DBNDD2: variants seen among roughly 807,000 people sequenced by gnomAD.
DBNDD2 encodes the protein dysbindin domain containing 2.
DBNDD2 carries 8 observed loss-of-function variants against 14.0 expected under a neutral mutation model. That is an observed-to-expected ratio of 0.57 (90% CI 0.33 to 1.03). The LOEUF (loss-of-function observed/expected upper bound fraction) is 1.03. Ranked by LOEUF, DBNDD2 falls within the 50% of genes least tolerant of loss-of-function variation. The pLI, the probability that DBNDD2 is intolerant of heterozygous loss-of-function variation, is 0.03. For synonymous variants in DBNDD2, 94 were observed against 85.3 expected (o/e 1.10, Z -0.56); for missense variants, 194 against 206.0 (o/e 0.94, Z 0.36).
upstream of DBNDD2, chr20:45,408,040 T>C: frequency 5.6e-6 from 8 of 1,439,870 alleles, no homozygotes; most frequent in Non-Finnish European, 7.3e-6. Flanking sequence ...CACCCTGAGA[T>C]CTCTGTCTCT....
upstream of DBNDD2, chr20:45,406,271 G>T (rs1600780709): frequency 1.8e-6 from 1 of 567,742 alleles, no homozygotes; most frequent in African/African-American, 2.0e-5. Flanking sequence ...TAGTCGTTGC[G>T]TGGGCGCTGC....
Position 45,409,979 on chromosome 20 carries a change from G to A in DBNDD2, c.325G>A (p.Asp109Asn), listed in dbSNP as rs374150638. The A allele has an allele frequency of 2.8e-5, 44 of 1,551,708 alleles. No individual in the cohort carries two copies. In the African/African-American group the frequency reaches 4.2e-4, roughly 15 times the overall value. The change falls in exon 3 of 3, where the codon GAC (aspartate) becomes AAC (asparagine). Residue 109 changes from aspartate (D) to asparagine (N), a missense_variant. By Grantham distance (23) the Asp-to-Asn change is conservative. Transcript: ENST00000372710. ...EELSLPVPTS[D>N]RTTSRTSSSS... is the part of the protein sequence containing the mutation. ...GCTGAGCCTGCCGGTGCCTACATCA[G>A]ACAGGACCACATCTAGGACCTCCTC... is the stretch of plus-strand genomic sequence containing the variant.
Position 45,409,925 on chromosome 20 carries a change from T to C in DBNDD2, c.278-7T>C, listed in dbSNP as rs1989749060. On this transcript the variant is annotated splice_region_variant and splice_polypyrimidine_tract_variant and intron_variant, in intron 2 of 2. Coordinates refer to ENST00000372710, the MANE Select transcript of DBNDD2 (RefSeq NM_001048225.4). ...TTGTGGCCTGACCAGCTTTTCTCTC[T>C]GGGCAGGGATGGACAACCATTTGGA... 1 of 1,551,646 alleles carries C rather than the reference T, an allele frequency of 6.4e-7. No homozygotes were observed. The highest frequency in any genetic ancestry group is 1.4e-5 in the African/African-American group (1 of 73,152).
upstream of DBNDD2, chr20:45,406,550 G>T: frequency 6.6e-7 from 1 of 1,510,798 alleles, no homozygotes; most frequent in South Asian, 1.2e-5. Flanking sequence ...GAGTGAGCCC[G>T]CCACCGCCCC....
upstream of DBNDD2, chr20:45,406,492 TA>T: frequency 1.3e-6 from 2 of 1,526,344 alleles, no homozygotes; most frequent in Non-Finnish European, 1.8e-6. Context: ...GAAGTACCAG[TA>T]GCCGCGCTCG....
In DBNDD2 at chr20:45,410,150, C is replaced by G; in HGVS notation, c.*10C>G. 2 of 1,551,548 alleles carry G rather than the reference C, an allele frequency of 1.3e-6. No individual in the cohort carries two copies. Among genetic ancestry groups the G allele is most frequent in the Non-Finnish European group, 1.7e-6 (2 of 1,146,994 alleles). ...TGGAGCCTGCAGCTAGCAGTGGGCC[C>G]CTGCCTACAGACTGACCACGCTGGC... On this transcript the variant is annotated 3_prime_UTR_variant, in exon 3 of 3. Coordinates refer to ENST00000372710, the MANE Select transcript of DBNDD2 (RefSeq NM_001048225.4).
At chr20:45,408,736 T>G in intron 1 of DBNDD2, 65 bp from the exon 2 acceptor site, 1 of 1,583,560 alleles carries the variant, frequency 6.3e-7, no homozygotes, top group Non-Finnish European at 8.7e-7. Context: ...GGACCTGACA[T>G]GTAACTCTCA....
chr20:45,409,138 A>G (rs1212806850), intron 2 of DBNDD2, 200 bp downstream of exon 2: 9 of 892,402 alleles, frequency 1.0e-5, no homozygotes, highest in Non-Finnish European at 1.5e-5. Flanking sequence ...TCTCTAATCC[A>G]AAATTCTGGG....
At position 45,410,440 on chromosome 20, in the gene DBNDD2, C is replaced by T. The variant is rs138891440; in HGVS notation, c.*300C>T. 1 of 413,664 alleles carries T rather than the reference C, an allele frequency of 2.4e-6. No individual in the cohort carries two copies. The highest frequency in any genetic ancestry group is 2.0e-5 in the African/African-American group (1 of 49,436). 25.6% of individuals were successfully genotyped at this position (413,664 alleles called of 1,614,324 possible). Reference sequence around the variant, plus strand: ...CTGCTTTTCTTAGCACTCTTCCCTCCCCTAAACCATCCCGTAGTCTTCTAA... The same window carrying T: ...CTGCTTTTCTTAGCACTCTTCCCTCTCCTAAACCATCCCGTAGTCTTCTAA... On this transcript the variant is annotated 3_prime_UTR_variant, in exon 3 of 3. Coordinates refer to ENST00000372710, the MANE Select transcript of DBNDD2 (RefSeq NM_001048225.4).
At position 45,410,503 on chromosome 20, in the gene DBNDD2, A is replaced by G; in HGVS notation, c.*363A>G. The G allele has an allele frequency of 4.1e-6, 1 of 242,480 alleles. No individual in the cohort carries two copies. The highest frequency in any genetic ancestry group is 8.2e-6 in the Non-Finnish European group (1 of 121,732). The allele number at this position is 242,480 out of a possible 1,614,324, so 15.0% of individuals were successfully genotyped here. A position where few individuals can be genotyped will look rare whatever the true frequency, so the allele number is the denominator to read the frequency against. ...GACAAGTGTCTCTAGATGGATGTGAACTCCTTAACTCATCAAGTAAGGTGG... is the reference window on the plus strand; with the variant it reads ...GACAAGTGTCTCTAGATGGATGTGAGCTCCTTAACTCATCAAGTAAGGTGG... On this transcript the variant is annotated 3_prime_UTR_variant, in exon 3 of 3. Coordinates refer to ENST00000372710, the MANE Select transcript of DBNDD2 (RefSeq NM_001048225.4).
chr20:45,407,218 C>T, upstream of DBNDD2: 4 of 698,344 alleles, frequency 5.7e-6, no homozygotes, highest in Non-Finnish European at 7.0e-6. Context: ...AGCGTTGTGA[C>T]CTGGGCGGCA....
intron 2 of DBNDD2, 149 bp downstream of exon 2, chr20:45,409,087 A>C: frequency 1.3e-6 from 2 of 1,530,984 alleles, no homozygotes; most frequent in South Asian, 2.4e-5. Flanking sequence ...GCCTGTTCTG[A>C]TTTTAGGGAA....
Position 45,408,487 on chromosome 20 carries a change from CCGCCCTGGAG to C in DBNDD2, c.25_34del (p.Leu9SerfsTer38). 1 of 1,614,278 alleles carries C rather than the reference CCGCCCTGGAG, an allele frequency of 6.2e-7. No homozygotes were observed. The highest frequency in any genetic ancestry group is 8.5e-7 in the Non-Finnish European group (1 of 1,180,050). On this transcript the variant is annotated frameshift_variant, in exon 1 of 3. Transcript: ENST00000372710. LOFTEE classifies it high-confidence loss of function. Reference sequence around the variant, plus strand: ...GCTGACATGGACCCAAATCCTCGGGCCGCCCTGGAGCGCCAGCAGCTCCGCCTTCGGGAGC... The same window carrying C: ...GCTGACATGGACCCAAATCCTCGGGCCGCCAGCAGCTCCGCCTTCGGGAGC...
Position 45,410,131 on chromosome 20 carries a change from C to G in DBNDD2, c.477C>G (p.Ala159=). ...ERGDGGAEPG[A]CS ...GTGATGGAGGGGCAGAGCCTGGAGC[C>G]TGCAGCTAGCAGTGGGCCCCTGCCT... Residue 159 remains alanine (A), a synonymous_variant, in exon 3 of 3, where the codon GCC becomes GCG. Transcript: ENST00000372710. 6.4e-7 allele frequency: 1 copy of G among 1,551,860 alleles called. No individual in the cohort carries two copies. Among genetic ancestry groups the G allele is most frequent in the Non-Finnish European group, 8.7e-7 (1 of 1,147,122 alleles).
chr20:45,408,457 C>G lies in DBNDD2; in HGVS notation c.-11C>G. 6.2e-7 allele frequency: 1 copy of G among 1,614,266 alleles called. No individual in the cohort carries two copies. The highest frequency in any genetic ancestry group is 8.5e-7 in the Non-Finnish European group (1 of 1,180,050). On this transcript the variant is annotated 5_prime_UTR_variant, in exon 1 of 3. Transcript: ENST00000372710. ...TGTACTTGTTTTGCTCCTCTACCCG[C>G]AGGAGCTGACATGGACCCAAATCCT...
upstream of DBNDD2, chr20:45,406,614 G>A (rs2743260): frequency 1.4e-6 from 2 of 1,423,300 alleles, no homozygotes; most frequent in Non-Finnish European, 1.8e-6. Flanking sequence ...AGGGCCCGTC[G>A]GTCCCCCGGG....
chr20:45,407,434 T>C, upstream of DBNDD2: 1 of 985,896 alleles, frequency 1.0e-6, no homozygotes, highest in Non-Finnish European at 1.2e-6. Flanking sequence ...CTGCGGAGGA[T>C]GACGTCTGAT....
At chr20:45,406,765 C>G, upstream of DBNDD2, 1 of 1,262,948 alleles carries the variant, frequency 7.9e-7, no homozygotes, top group South Asian at 2.9e-5. Context: ...GCGCAGGTGC[C>G]GCGGTGGACC....
chr20:45,410,253 G>A lies in DBNDD2; in HGVS notation c.*113G>A, dbSNP rs1479660064. The stretch of plus-strand genomic sequence containing the variant: ...GACTCTTTACTTGCAGTAGGCACCA[G>A]AGGTGGGAAGGATGGTGGGATTGTG... On this transcript the variant is annotated 3_prime_UTR_variant, in exon 3 of 3. Transcript: ENST00000372710. 3.5e-6 allele frequency: 4 copies of A among 1,132,238 alleles called. No individual in the cohort carries two copies. Among genetic ancestry groups the A allele is most frequent in the East Asian group, 2.6e-5 (1 of 38,776 alleles). The allele number at this position is 1,132,238 out of a possible 1,614,324, so 70.1% of individuals were successfully genotyped here. A position where few individuals can be genotyped will look rare whatever the true frequency, so the allele number is the denominator to read the frequency against.
Sources: allele counts gnomAD v4.1 joint callset, GRCh38; gene constraint gnomAD v4.1.1; transcripts MANE v1.5; gene names NCBI Gene and HGNC (gene_info 2026-07-23, HGNC 2026-07-21).